Variants in RNF180 observed in about 807,000 individuals in gnomAD.
RNF180 encodes the protein E3 ubiquitin-protein ligase RNF180.
In RNF180, 38 loss-of-function variants were observed where a neutral mutation model predicts 59.2. The observed-to-expected ratio is 0.64, with a 90% CI of 0.50 to 0.84. The LOEUF is 0.84. Ranked by LOEUF, RNF180 falls within the 40% of genes least tolerant of loss-of-function variation. The pLI is 0.00. For missense variants in RNF180, 705 were observed against 700.9 expected (o/e 1.01, Z -0.07); for synonymous variants, 262 against 240.3 (o/e 1.09, Z -0.84).
chr5:64,256,663 TAG>T (rs1743985769), intron 5 of RNF180, among the ~76,000 whole-genome samples: 1 of 152,214 alleles, frequency 6.6e-6, no homozygotes, highest in African/African-American at 2.4e-5. Context: ...TCTTTTGGCT[TAG>T]GATTGACTTG....
At chr5:64,193,990 A>T (rs1403205475) in intron 1 of RNF180, among the ~76,000 whole-genome samples, 1 of 152,056 alleles carries the variant, frequency 6.6e-6, no homozygotes, top group Non-Finnish European at 1.5e-5. Flanking sequence ...AGAGAGACAC[A>T]CTTTAAAGTT....
chr5:64,323,998 G>A (rs1269102013), intron 5 of RNF180, among the ~76,000 whole-genome samples: 4 of 152,076 alleles, frequency 2.6e-5, no homozygotes, highest in South Asian at 4.1e-4. Context: ...AGCAAAGACC[G>A]CAATTACTTT....
rs1162054033 is a variant in RNF180 at position 64,346,359 on chromosome 5, C to CTTTTTTTTTTTTTTTTT, written c.1579+15964_1579+15980dup. Among the ~76,000 whole-genome samples the CTTTTTTTTTTTTTTTTT allele has an allele frequency of 8.7e-3, 376 of 43,002 alleles. 21 individuals are homozygous for CTTTTTTTTTTTTTTTTT. Among genetic ancestry groups the CTTTTTTTTTTTTTTTTT allele is most frequent in the Middle Eastern group, 0.026 (1 of 38 alleles). The allele number at this position is 43,002 out of a possible 152,430, so 28.2% of individuals were successfully genotyped here. On this transcript the variant is annotated intron_variant, in intron 7 of 7. Transcript: ENST00000389100. ...TCTATTCTTCTTTTTTTCTTTTCTT[C>CTTTTTTTTTTTTTTTTT]TTTTTTTTTTTTTTTTTTTTTTTTT...
chr5:64,335,261 A>G (rs1006002441), intron 7 of RNF180, among the ~76,000 whole-genome samples: 1 of 151,992 alleles, frequency 6.6e-6, no homozygotes, highest in African/African-American at 2.4e-5. Flanking sequence ...TGGTTATATG[A>G]ATGGCAGTTA....
At chr5:64,352,885 C>A (rs1216054370) in intron 7 of RNF180, among the ~76,000 whole-genome samples, 1 of 151,820 alleles carries the variant, frequency 6.6e-6, no homozygotes, top group Non-Finnish European at 1.5e-5. Context: ...ACATATGTAA[C>A]CCATGGCAAA....
At chr5:64,205,203 G>A (rs1219222652) in intron 2 of RNF180, among the ~76,000 whole-genome samples, 1 of 152,130 alleles carries the variant, frequency 6.6e-6, no homozygotes, top group Non-Finnish European at 1.5e-5. Context: ...TGTTGTGTGG[G>A]TGTATCAGGT....
chr5:64,317,597 T>C (rs955213310), intron 5 of RNF180, among the ~76,000 whole-genome samples: 2 of 123,868 alleles, frequency 1.6e-5, no homozygotes, highest in Non-Finnish European at 3.2e-5. Context: ...TACATATTTA[T>C]ACACACACAC....
intron 5 of RNF180, among the ~76,000 whole-genome samples, chr5:64,315,974 G>C (rs1744022118): frequency 6.6e-6 from 1 of 152,004 alleles, no homozygotes; most frequent in African/African-American, 2.4e-5. Context: ...CCGCTGCCTT[G>C]ATTCACACTA....
At chr5:64,312,416 G>A (rs554190327) in intron 5 of RNF180, among the ~76,000 whole-genome samples, 58 of 152,170 alleles carry the variant, frequency 3.8e-4, no homozygotes, top group African/African-American at 1.2e-3. Context: ...TACCTGGTAC[G>A]TAGTACACAT....
intron 7 of RNF180, among the ~76,000 whole-genome samples, chr5:64,340,472 C>T (rs1490980694): frequency 6.6e-6 from 1 of 152,132 alleles, no homozygotes; most frequent in African/African-American, 2.4e-5. Context: ...TCAAAGAACT[C>T]CACATGGAAA....
intron 1 of RNF180, among the ~76,000 whole-genome samples, chr5:64,181,674 G>A (rs1194723814): frequency 1.3e-5 from 2 of 152,180 alleles, no homozygotes; most frequent in African/African-American, 4.8e-5. Flanking sequence ...TTGTCTGTTT[G>A]ACACCAAAGT....
intron 5 of RNF180, among the ~76,000 whole-genome samples, chr5:64,285,752 T>C (rs1173513783): frequency 6.6e-6 from 1 of 152,124 alleles, no homozygotes; most frequent in Non-Finnish European, 1.5e-5. Context: ...CCCTGCTCTG[T>C]CTAGGTCCGA....
At chr5:64,173,626 T>TCCCTTTC (rs568350341) in intron 1 of RNF180, among the ~76,000 whole-genome samples, 1 of 151,836 alleles carries the variant, frequency 6.6e-6, no homozygotes, top group African/African-American at 2.4e-5. Flanking sequence ...CCTCCTCCTT[T>TCCCTTTC]CCCTTTCCCC....
chr5:64,310,352 G>A (rs1351728596), intron 5 of RNF180, among the ~76,000 whole-genome samples: 1 of 151,582 alleles, frequency 6.6e-6, no homozygotes, highest in Non-Finnish European at 1.5e-5. Flanking sequence ...GGCTACAGGG[G>A]CACACATAGT....
chr5:64,299,184 T>C (rs903571121), intron 5 of RNF180, among the ~76,000 whole-genome samples: 3 of 151,982 alleles, frequency 2.0e-5, no homozygotes, highest in Non-Finnish European at 4.4e-5. Context: ...ACACTGAATC[T>C]GCAAATTCCT....
intron 1 of RNF180, among the ~76,000 whole-genome samples, chr5:64,197,117 A>T (rs1751491638): frequency 6.6e-6 from 1 of 152,224 alleles, no homozygotes; most frequent in Non-Finnish European, 1.5e-5. Flanking sequence ...AAGTGTAGCA[A>T]ATAGCAAAGG....
At chr5:64,338,486 T>A (rs576141696) in intron 7 of RNF180, among the ~76,000 whole-genome samples, 1 of 152,010 alleles carries the variant, frequency 6.6e-6, no homozygotes, top group African/African-American at 2.4e-5. Flanking sequence ...TACAAAAAAA[T>A]TAGCCTGGCG....
chr5:64,179,306 T>G (rs1250105164), intron 1 of RNF180, among the ~76,000 whole-genome samples: 2 of 152,174 alleles, frequency 1.3e-5, no homozygotes, highest in African/African-American at 2.4e-5. Context: ...TATTAATGTT[T>G]TACTATTTTT....
chr5:64,214,370 G>A lies in RNF180; in HGVS notation c.1044G>A (p.Gln348=), dbSNP rs761244334. The change falls in exon 4 of 8, where the codon CAG becomes CAA. Residue 348 remains glutamine, a synonymous_variant. Coordinates refer to ENST00000389100, the MANE Select transcript of RNF180 (RefSeq NM_001113561.2). ...GGAGCATGCCGGAGGCCTCAGACCA[G>A]GAAGAGCACCTCTCCCCTCTGGACT... ...AGRSMPEASD[Q]EEHLSPLDFL... is the part of the protein sequence containing the mutation. 5 of 1,614,024 alleles carry A rather than the reference G, an allele frequency of 3.1e-6. No individual in the cohort carries two copies. The Admixed American group carries it at 8.3e-5, about 27-fold the overall frequency.
Sources: gnomAD v4.1 joint callset for allele counts (sites outside exome capture counted in the v4.1 genomes callset) on GRCh38, gnomAD v4.1.1 for gene constraint, MANE v1.5 for transcripts, NCBI Gene and HGNC (gene_info 2026-07-23, HGNC 2026-07-21) for gene names.